CACNA1D: variants seen among roughly 807,000 people sequenced by gnomAD.
The protein encoded by CACNA1D is voltage-dependent L-type calcium channel subunit alpha-1D.
In CACNA1D, 55 loss-of-function variants were observed where a neutral mutation model predicts 257.1. That is an observed-to-expected ratio of 0.21 (90% CI 0.17 to 0.27). The LOEUF (loss-of-function observed/expected upper bound fraction) is 0.27, where lower values mean the gene tolerates loss of function less well. CACNA1D is among the 10% of genes least tolerant of loss of function. CACNA1D has a pLI of 1.00. For synonymous variants in CACNA1D, 980 were observed against 1,014.9 expected (o/e 0.97, Z 0.65); for missense variants, 1,876 against 2,784.0 (o/e 0.67, Z 7.34).
At chr3:53,633,286 G>C (rs1422773521) in intron 3 of CACNA1D, among the ~76,000 whole-genome samples, 6 of 152,134 alleles carry the variant, frequency 3.9e-5, no homozygotes, top group Admixed American at 3.3e-4. Context: ...TTGAGCTCAG[G>C]AGTTCAAGAC....
chr3:53,534,184 G>A (rs1409165975), intron 3 of CACNA1D, among the ~76,000 whole-genome samples: 2 of 152,168 alleles, frequency 1.3e-5, no homozygotes, highest in Admixed American at 1.3e-4. Context: ...CTTTGGTGTG[G>A]CTCCCAGGGA....
At position 53,770,409 on chromosome 3, in the gene CACNA1D, A is replaced by C. The variant is rs760657346; in HGVS notation, c.3916-15A>C. The C allele has an allele frequency of 3.1e-6, 5 of 1,613,542 alleles. No individual in the cohort carries two copies. In the South Asian group the frequency reaches 5.5e-5, roughly 18 times the overall value. On this transcript the variant is annotated splice_polypyrimidine_tract_variant and intron_variant, in intron 31 of 47. Coordinates refer to ENST00000350061, the MANE Select transcript of CACNA1D (RefSeq NM_001128840.3). ...ACTTTCCATTGGGTTTGACCTCTCC[A>C]TGATAACCCTTCAGAACTCTGAAGA...
intron 39 of CACNA1D, 30 bp from the exon 40 acceptor site, chr3:53,786,792 G>A (rs1474908826): frequency 3.9e-6 from 6 of 1,527,248 alleles, no homozygotes; most frequent in Admixed American, 3.6e-5. Context: ...GTGCTGATTC[G>A]GGAGAGCTCT....
At chr3:53,718,852 G>A (rs1249975140) in intron 10 of CACNA1D, 6 of 973,208 alleles carry the variant, frequency 6.2e-6, no homozygotes, top group African/African-American at 1.6e-5. Flanking sequence ...GTTTTCCTTT[G>A]CTCATGGGAC....
chr3:53,709,548 T>G (rs1223609011), intron 9 of CACNA1D, among the ~76,000 whole-genome samples: 3 of 152,220 alleles, frequency 2.0e-5, no homozygotes, highest in Admixed American at 1.3e-4. Flanking sequence ...CTACCCATAG[T>G]GTGCAGGTGT....
chr3:53,638,198 C>T (rs1559451121), intron 3 of CACNA1D, among the ~76,000 whole-genome samples: 1 of 152,164 alleles, frequency 6.6e-6, no homozygotes, highest in Admixed American at 6.6e-5. Flanking sequence ...GGGATCTGGG[C>T]CCTCTTTCAC....
intron 29 of CACNA1D, among the ~76,000 whole-genome samples, chr3:53,757,802 C>CTTG (rs1292959670): frequency 1.3e-5 from 2 of 152,164 alleles, no homozygotes; most frequent in Non-Finnish European, 2.9e-5. Context: ...CTTTGTTATC[C>CTTG]TTGAAGGCCT....
In CACNA1D at chr3:53,507,033, A is replaced by G. The variant is rs76988063; in HGVS notation, c.483+5313A>G. On this transcript the variant is annotated intron_variant, in intron 3 of 47. Transcript: ENST00000350061. ...GACTGTAGGGGACTATGAGTGAGCC[A>G]CTGCACTCTAGCCTGGGTGACAGAG... Among the ~76,000 whole-genome samples, 305 of 140,844 alleles carry G rather than the reference A, an allele frequency of 2.2e-3. 1 individual carries two copies. Among genetic ancestry groups the G allele is most frequent in the African/African-American group, 6.9e-3 (265 of 38,314 alleles). 92.4% of individuals were successfully genotyped at this position (140,844 alleles called of 152,430 possible). A position where few individuals can be genotyped will look rare whatever the true frequency, so the allele number is the denominator to read the frequency against.
At chr3:53,797,773 A>G (rs539233701) in intron 40 of CACNA1D, 1 of 152,330 alleles carries the variant, frequency 6.6e-6, no homozygotes, top group African/African-American at 2.4e-5. Flanking sequence ...ATAGTTTTCT[A>G]TTTCTTTTAA....
At chr3:53,508,922 A>G (rs1489965907) in intron 3 of CACNA1D, among the ~76,000 whole-genome samples, 1 of 152,134 alleles carries the variant, frequency 6.6e-6, no homozygotes, top group African/African-American at 2.4e-5. Context: ...TGTTGAGTGG[A>G]CAGATGTGCA....
In CACNA1D at chr3:53,740,536, A is replaced by G. The variant is rs1358544456; in HGVS notation, c.2811+197A>G. The G allele has an allele frequency of 5.8e-5, 32 of 555,346 alleles. No homozygotes were observed. In the East Asian group the frequency reaches 6.1e-4, roughly 11 times the overall value. The allele number at this position is 555,346 out of a possible 1,614,324, so 34.4% of individuals were successfully genotyped here. On this transcript the variant is annotated intron_variant, in intron 21 of 47. Coordinates refer to ENST00000350061, the MANE Select transcript of CACNA1D (RefSeq NM_001128840.3). ...TGCTCCTGCGTGTGACACACAGGAA[A>G]GAAGCGTGGAGTGCTTTTGATTTTT... is the stretch of plus-strand genomic sequence containing the variant.
chr3:53,539,569 T>C (rs1442340378), intron 3 of CACNA1D, among the ~76,000 whole-genome samples: 1 of 152,262 alleles, frequency 6.6e-6, no homozygotes, highest in East Asian at 1.9e-4. Context: ...GTTAAAGAAT[T>C]GCTGCTAACC....
At chr3:53,537,672 A>C (rs1041704530) in intron 3 of CACNA1D, among the ~76,000 whole-genome samples, 3 of 152,210 alleles carry the variant, frequency 2.0e-5, no homozygotes, top group African/African-American at 4.8e-5. Context: ...ATTAGGATAC[A>C]GGTAGGTTTC....
chr3:53,714,821 A>T (rs1469719821), intron 9 of CACNA1D, among the ~76,000 whole-genome samples: 2 of 152,206 alleles, frequency 1.3e-5, no homozygotes, highest in Admixed American at 1.3e-4. Flanking sequence ...GTATTCTCAG[A>T]AGCCCCTTCT....
At position 53,569,531 on chromosome 3, in the gene CACNA1D, T is replaced by G. The variant is rs560365568; in HGVS notation, c.483+67811T>G. Among the ~76,000 whole-genome samples, 4 of 152,358 alleles carry G rather than the reference T, an allele frequency of 2.6e-5. No homozygotes were observed. In the South Asian group the frequency reaches 6.2e-4, roughly 24 times the overall value. On this transcript the variant is annotated intron_variant, in intron 3 of 47. Transcript: ENST00000350061. ...GGAGTGAATGTGTTAGGTCTCCATA[T>G]ACAGTGGAGATTCTAGTAATTCGCT...
intron 3 of CACNA1D, among the ~76,000 whole-genome samples, chr3:53,504,499 C>G (rs1432409947): frequency 6.6e-6 from 1 of 151,982 alleles, no homozygotes; most frequent in Admixed American, 6.5e-5. Flanking sequence ...AGTTTTTGTT[C>G]TTTATTTTTT....
At chr3:53,689,644 C>CT (rs2094502654) in intron 8 of CACNA1D, among the ~76,000 whole-genome samples, 1 of 151,984 alleles carries the variant, frequency 6.6e-6, no homozygotes, top group African/African-American at 2.4e-5. Flanking sequence ...GAGAATTTTT[C>CT]TTTTTTCTTT....
intron 3 of CACNA1D, among the ~76,000 whole-genome samples, chr3:53,611,052 T>C (rs71301841): frequency 0.078 from 11,839 of 152,286 alleles, 503 homozygotes; most frequent in African/African-American, 0.09. Context: ...ACTTTAAAGA[T>C]GCCATTCTAT....
chr3:53,716,749 C>T (rs528694982), intron 9 of CACNA1D, among the ~76,000 whole-genome samples: 13 of 152,256 alleles, frequency 8.5e-5, no homozygotes, highest in African/African-American at 2.4e-4. Context: ...GACACCCTTG[C>T]CTCAGTGTTC....
Sources: gnomAD v4.1 joint callset for allele counts (sites outside exome capture counted in the v4.1 genomes callset) on GRCh38, gnomAD v4.1.1 for gene constraint, MANE v1.5 for transcripts, NCBI Gene and HGNC (gene_info 2026-07-23, HGNC 2026-07-21) for gene names.